The following MSRA variants were observed in gnomAD, a reference collection of about 807,000 sequenced individuals.
MSRA encodes methionine sulfoxide reductase A, also known as mitochondrial peptide methionine sulfoxide reductase.
Under a neutral mutation model 31.3 loss-of-function variants are expected in MSRA, and 54 were observed. The observed-to-expected ratio is 1.73, with a 90% CI of 1.39 to 2.17. The LOEUF is 2.17. Ranked by LOEUF, MSRA falls within the 30% of genes most tolerant of loss-of-function variation. The pLI is 0.00. For missense variants in MSRA, 507 were observed against 300.9 expected (o/e 1.69, Z -5.07); for synonymous variants, 169 against 116.5 (o/e 1.45, Z -2.90).
chr8:10,059,965 G>T (rs754519563), intron 1 of MSRA, among the ~76,000 whole-genome samples: 1 of 152,206 alleles, frequency 6.6e-6, no homozygotes, highest in African/African-American at 2.4e-5. Flanking sequence ...GATACACTGT[G>T]TTGGTAAATT....
chr8:10,250,053 A>G (rs1797837150), intron 3 of MSRA, among the ~76,000 whole-genome samples: 1 of 152,156 alleles, frequency 6.6e-6, no homozygotes, highest in African/African-American at 2.4e-5. Flanking sequence ...AGTCAAATGA[A>G]AGCTTGATCT....
At chr8:10,421,449 CCCACTG>C (rs1808805704) in intron 5 of MSRA, among the ~76,000 whole-genome samples, 1 of 152,060 alleles carries the variant, frequency 6.6e-6, no homozygotes, top group Admixed American at 6.6e-5. Context: ...CCCACTGGTG[CCCACTG>C]CCACCTGTGC....
chr8:10,101,490 C>CA (rs1258543398), intron 1 of MSRA, among the ~76,000 whole-genome samples: 1 of 152,114 alleles, frequency 6.6e-6, no homozygotes, highest in East Asian at 1.9e-4. Flanking sequence ...TTTCATCTTG[C>CA]AAAACCAAAA....
chr8:10,225,221 T>A (rs373773717), intron 2 of MSRA, among the ~76,000 whole-genome samples: 19 of 152,358 alleles, frequency 1.2e-4, no homozygotes, highest in East Asian at 5.8e-4. Context: ...CTCTAACCAC[T>A]GCACACCCTC....
At position 10,405,404 on chromosome 8, in the gene MSRA, G is replaced by C. The variant is rs1034512956; in HGVS notation, c.544-22744G>C. 2.6e-5 allele frequency among the ~76,000 whole-genome samples: 4 copies of C among 152,198 alleles called. No individual in the cohort carries two copies. The East Asian group carries it at 7.7e-4, about 29-fold the overall frequency. On this transcript the variant is annotated intron_variant, in intron 5 of 5. Transcript: ENST00000317173. ...ATGAGGGGACATCTGGCGCGAGATG[G>C]TCGCCAAGTCACTGCTGTTCCATCA...
At chr8:10,410,318 C>A (rs527925109) in intron 5 of MSRA, among the ~76,000 whole-genome samples, 1 of 152,296 alleles carries the variant, frequency 6.6e-6, no homozygotes, top group South Asian at 2.1e-4. Flanking sequence ...ACCCAAGTCA[C>A]TTGTTTGGGG....
At chr8:10,364,495 C>T (rs1280060862) in intron 5 of MSRA, among the ~76,000 whole-genome samples, 1 of 152,166 alleles carries the variant, frequency 6.6e-6, no homozygotes, top group African/African-American at 2.4e-5. Context: ...CAAAACCTTC[C>T]CCACTTGCCT....
chr8:10,091,700 G>T (rs546288482), intron 1 of MSRA, among the ~76,000 whole-genome samples: 1 of 149,036 alleles, frequency 6.7e-6, no homozygotes. Context: ...TCTGCCTCCC[G>T]GGTTCAAGTG....
At chr8:10,187,481 C>T (rs899101008) in intron 1 of MSRA, among the ~76,000 whole-genome samples, 37 of 152,202 alleles carry the variant, frequency 2.4e-4, no homozygotes, top group African/African-American at 8.7e-4. Context: ...AGCTAGAGTA[C>T]TGTGCAGGTG....
intron 1 of MSRA, among the ~76,000 whole-genome samples, chr8:10,169,700 C>T (rs536716105): frequency 6.6e-6 from 1 of 152,306 alleles, no homozygotes; most frequent in African/African-American, 2.4e-5. Flanking sequence ...CATTCCCAAG[C>T]ATTTCATTTT....
chr8:10,081,725 G>C (rs1211315914), intron 1 of MSRA, among the ~76,000 whole-genome samples: 2 of 152,106 alleles, frequency 1.3e-5, no homozygotes, highest in Non-Finnish European at 2.9e-5. Context: ...CCTGACCTCA[G>C]GTGATCTGCC....
rs542332206 is a variant in MSRA, at chr8:10,152,751, C to T, written c.143-55082C>T. On this transcript the variant is annotated intron_variant, in intron 1 of 5. Coordinates refer to ENST00000317173, the MANE Select transcript of MSRA (RefSeq NM_012331.5). ...TTCACAGCAGCAGTATTCACAATAG[C>T]TCCACGTGCCCGTTGACAGGTGAAC... Among the ~76,000 whole-genome samples the T allele has an allele frequency of 7.9e-5, 12 of 152,298 alleles. 1 individual carries two copies. The South Asian group carries it at 2.3e-3, about 29-fold the overall frequency.
intron 3 of MSRA, among the ~76,000 whole-genome samples, chr8:10,274,583 C>G (rs1210900613): frequency 6.6e-6 from 1 of 152,166 alleles, no homozygotes; most frequent in Non-Finnish European, 1.5e-5. Flanking sequence ...CCTGTGTTAC[C>G]TAAAGTGAGT....
At chr8:10,148,085 A>C (rs1803313965) in intron 1 of MSRA, among the ~76,000 whole-genome samples, 1 of 152,026 alleles carries the variant, frequency 6.6e-6, no homozygotes, top group Non-Finnish European at 1.5e-5. Context: ...CAAAGCGAGC[A>C]CTCGGAGGCA....
chr8:10,288,802 C>G (rs771273613), intron 3 of MSRA, among the ~76,000 whole-genome samples: 1 of 152,148 alleles, frequency 6.6e-6, no homozygotes, highest in Non-Finnish European at 1.5e-5. Context: ...AATGTACTAT[C>G]CAAGTTGGGA....
intron 1 of MSRA, among the ~76,000 whole-genome samples, chr8:10,079,724 G>T (rs961958355): frequency 6.6e-6 from 1 of 152,128 alleles, no homozygotes; most frequent in African/African-American, 2.4e-5. Flanking sequence ...ATCCAGTCAT[G>T]CCCATAAGCC....
intron 3 of MSRA, among the ~76,000 whole-genome samples, chr8:10,254,022 C>A (rs1335916409): frequency 1.3e-5 from 2 of 152,066 alleles, no homozygotes; most frequent in African/African-American, 2.4e-5. Flanking sequence ...TTCCTGGGGC[C>A]GTGCCTCCGA....
intron 2 of MSRA, among the ~76,000 whole-genome samples, chr8:10,233,555 C>T (rs1811678768): frequency 6.6e-6 from 1 of 152,110 alleles, no homozygotes; most frequent in Admixed American, 6.6e-5. Flanking sequence ...TGAAATAATT[C>T]CATACCTGGA....
intron 5 of MSRA, among the ~76,000 whole-genome samples, chr8:10,423,490 A>T (rs1381619332): frequency 2.1e-5 from 3 of 140,654 alleles, no homozygotes; most frequent in African/African-American, 7.6e-5. Context: ...TGCCAGGTTG[A>T]CCAGTGGACT....
Sources: allele counts gnomAD v4.1 joint callset (sites outside exome capture counted in the v4.1 genomes callset), GRCh38; gene constraint gnomAD v4.1.1; transcripts MANE v1.5; gene names NCBI Gene and HGNC (gene_info 2026-07-23, HGNC 2026-07-21).